ABCB11: variants seen among roughly 807,000 people sequenced by gnomAD.
ABCB11 encodes the protein bile salt export pump.
ABCB11 carries 95 observed loss-of-function variants against 148.0 expected under a neutral mutation model. That is an observed-to-expected ratio of 0.64 (90% CI 0.54 to 0.76). The LOEUF (loss-of-function observed/expected upper bound fraction) is 0.76. Among genes scored for constraint, ABCB11 ranks in the 30% least tolerant of loss-of-function variants. ABCB11 has a pLI of 0.00. For synonymous variants in ABCB11, 591 were observed against 555.4 expected (o/e 1.06, Z -0.90); for missense variants, 1,523 against 1,617.8 (o/e 0.94, Z 1.01).
intron 1 of ABCB11, among the ~76,000 whole-genome samples, chr2:169,026,397 C>T (rs955828605): frequency 2.1e-4 from 32 of 152,146 alleles, no homozygotes; most frequent in African/African-American, 7.2e-4. Flanking sequence ...GAAATGGAAG[C>T]TAGTCCCTTT....
rs544036628 is a variant in ABCB11 at position 168,977,376 on chromosome 2, T to C, written c.1198-689A>G. 3.9e-5 allele frequency among the ~76,000 whole-genome samples: 6 copies of C among 152,256 alleles called. No individual in the cohort carries two copies. In the South Asian group the frequency reaches 1.0e-3, roughly 26 times the overall value. On this transcript the variant is annotated intron_variant, in intron 11 of 27. Coordinates refer to ENST00000650372, the MANE Select transcript of ABCB11 (RefSeq NM_003742.4). ...CCGAGGGTATTCTTTTGAGTATCCA[T>C]GGTAGATGATGATTAAAACTGAGTG... is the stretch of plus-strand genomic sequence containing the variant.
At chr2:169,020,839 A>G (rs1213043715) in intron 1 of ABCB11, among the ~76,000 whole-genome samples, 2 of 152,188 alleles carry the variant, frequency 1.3e-5, no homozygotes, top group Non-Finnish European at 2.9e-5. Flanking sequence ...AACTCTGTTA[A>G]TATATTGAAA....
In ABCB11 at chr2:168,996,751, C is replaced by T. The variant is rs758107888; in HGVS notation, c.390-29G>A. ...CAAAAGAGGGAAAAGAATGTTCAGACTTGCAAGTAGGATCAAGCCACCAGA... is the reference window on the plus strand; with the variant it reads ...CAAAAGAGGGAAAAGAATGTTCAGATTTGCAAGTAGGATCAAGCCACCAGA... On this transcript the variant is annotated intron_variant, in intron 5 of 27. Coordinates refer to ENST00000650372, the MANE Select transcript of ABCB11 (RefSeq NM_003742.4). 6 of 1,460,116 alleles carry T rather than the reference C, an allele frequency of 4.1e-6. No individual in the cohort carries two copies. In the South Asian group the frequency reaches 4.1e-5, roughly 10 times the overall value. The allele number at this position is 1,460,116 out of a possible 1,614,324, so 90.4% of individuals were successfully genotyped here.
chr2:168,948,564 C>T (rs1357213201), intron 19 of ABCB11, among the ~76,000 whole-genome samples: 3 of 151,388 alleles, frequency 2.0e-5, no homozygotes, highest in African/African-American at 7.3e-5. Flanking sequence ...GCATCATAAC[C>T]GATATGCATT....
At chr2:169,010,127 A>C (rs1384858568) in intron 5 of ABCB11, among the ~76,000 whole-genome samples, 1 of 152,160 alleles carries the variant, frequency 6.6e-6, no homozygotes, top group African/African-American at 2.4e-5. Context: ...AAATTACACC[A>C]GGGTTGGTTT....
Position 168,964,199 on chromosome 2 carries a change from G to A in ABCB11, c.2178+7C>T, listed in dbSNP as rs1222673496. 2 of 1,547,586 alleles carry A rather than the reference G, an allele frequency of 1.3e-6. No homozygotes were observed. Among genetic ancestry groups the A allele is most frequent in the Non-Finnish European group, 8.8e-7 (1 of 1,142,322 alleles). On this transcript the variant is annotated splice_region_variant and intron_variant, in intron 18 of 27. Transcript: ENST00000650372. ...CCATTCCCCCCCATAAGCAGTTGGT[G>A]CCTGACCTTTCTATCTTCTTCATAG... is the stretch of plus-strand genomic sequence containing the variant.
intron 17 of ABCB11, among the ~76,000 whole-genome samples, chr2:168,965,883 G>A (rs1273137842): frequency 6.6e-6 from 1 of 151,768 alleles, no homozygotes; most frequent in African/African-American, 2.4e-5. Context: ...GCTCCAATTT[G>A]TTCCCATTTT....
In ABCB11 at chr2:169,026,313, T is replaced by C. The variant is rs78022388; in HGVS notation, c.-28+4912A>G. On this transcript the variant is annotated intron_variant, in intron 1 of 27. Transcript: ENST00000650372. ...ACTTTGGTAGTCCACTGTTCTTTTTTGACATGCCAAGGAGCTATACTTCAA... is the reference window on the plus strand; with the variant it reads ...ACTTTGGTAGTCCACTGTTCTTTTTCGACATGCCAAGGAGCTATACTTCAA... 6.7e-3 allele frequency among the ~76,000 whole-genome samples: 1,015 copies of C among 152,304 alleles called. 12 individuals carry two copies. Among genetic ancestry groups the C allele is most frequent in the African/African-American group, 0.023 (945 of 41,550 alleles).
intron 19 of ABCB11, among the ~76,000 whole-genome samples, chr2:168,953,708 C>T (rs1311573822): frequency 6.6e-6 from 1 of 151,084 alleles, no homozygotes; most frequent in African/African-American, 2.4e-5. Flanking sequence ...AAATATGGGC[C>T]CCCAAAATCA....
chr2:169,016,936 G>T, intron 2 of ABCB11, 137 bp from the exon 3 acceptor site: 1 of 639,254 alleles, frequency 1.6e-6, no homozygotes, highest in Non-Finnish European at 2.8e-6. Context: ...ATGACTATTT[G>T]CCTTTTCTTT....
chr2:168,939,033 G>T (rs1168626686), intron 21 of ABCB11, among the ~76,000 whole-genome samples: 1 of 151,806 alleles, frequency 6.6e-6, no homozygotes, highest in African/African-American at 2.4e-5. Flanking sequence ...TTAAAAAATA[G>T]CTGTGCAATA....
At position 169,014,316 on chromosome 2, in the gene ABCB11, C is replaced by T. The variant is rs1417934005; in HGVS notation, c.137G>A (p.Gly46Asp). The T allele has an allele frequency of 1.9e-6, 3 of 1,613,358 alleles. No homozygotes were observed. Among genetic ancestry groups the T allele is most frequent in the Non-Finnish European group, 2.5e-6 (3 of 1,179,498 alleles). ...CAGTTTTATTACCAATTGAAAGAAG[C>T]CAACTCTAACGCCATCACCTTTCTT... ...DEKKGDGVRV[G>D]FFQLFRFSSS... is the part of the protein sequence containing the mutation. Residue 46 changes from glycine to aspartate, a missense_variant, in exon 4 of 28, where the codon GGC becomes GAC. Coordinates refer to ENST00000650372, the MANE Select transcript of ABCB11 (RefSeq NM_003742.4).
chr2:168,962,745 T>TA (rs1250385483), intron 18 of ABCB11, among the ~76,000 whole-genome samples: 2 of 151,738 alleles, frequency 1.3e-5, no homozygotes, highest in African/African-American at 4.8e-5. Context: ...TAATACATCT[T>TA]ATAGTTATCT....
rs569166780 is a variant in ABCB11 at position 168,921,166 on chromosome 2, A to T, written c.*2456T>A. On this transcript the variant is annotated 3_prime_UTR_variant, in exon 28 of 28. Transcript: ENST00000650372. ...GTCATTGCCATTTTTCATAACCAGA[A>T]TGCATTCCTTCACCGTCTGCCTCCT... 6.6e-6 allele frequency among the ~76,000 whole-genome samples: 1 copy of T among 152,216 alleles called. No individual in the cohort carries two copies. The highest frequency in any genetic ancestry group is 2.4e-5 in the African/African-American group (1 of 41,464).
intron 4 of ABCB11, 66 bp downstream of exon 4, chr2:169,014,237 T>TTGAGG: frequency 6.9e-7 from 1 of 1,440,326 alleles, no homozygotes; most frequent in Non-Finnish European, 9.8e-7. Context: ...GATTTAACAC[T>TTGAGG]CCCCTCATGA....
chr2:169,030,868 T>A (rs1695845713), intron 1 of ABCB11, among the ~76,000 whole-genome samples: 1 of 152,230 alleles, frequency 6.6e-6, no homozygotes, highest in Non-Finnish European at 1.5e-5. Context: ...CAAACAGAAT[T>A]GTGCTTTCAC....
intron 23 of ABCB11, among the ~76,000 whole-genome samples, chr2:168,933,605 G>T (rs1347786630): frequency 6.6e-6 from 1 of 152,170 alleles, no homozygotes. Flanking sequence ...TTTTAGGCCA[G>T]AATTGCAAAT....
At chr2:168,986,044 TAATCCATGG>T in intron 10 of ABCB11, 57 bp downstream of exon 10, 1 of 1,274,798 alleles carries the variant, frequency 7.8e-7, no homozygotes, top group Non-Finnish European at 1.0e-6. Context: ...ACAAAATATC[TAATCCATGG>T]ACTTTTCTGA....
intron 19 of ABCB11, among the ~76,000 whole-genome samples, chr2:168,956,615 G>T (rs916593655): frequency 6.6e-6 from 1 of 151,568 alleles, no homozygotes; most frequent in Admixed American, 6.6e-5. Context: ...CCTCCCGGGG[G>T]TGATGGGATT....
Sources: gnomAD v4.1 joint callset for allele counts (sites outside exome capture counted in the v4.1 genomes callset) on GRCh38, gnomAD v4.1.1 for gene constraint, MANE v1.5 for transcripts, NCBI Gene and HGNC (gene_info 2026-07-23, HGNC 2026-07-21) for gene names.